DLG1: variants seen among roughly 807,000 people sequenced by gnomAD.
DLG1 encodes disks large homolog 1.
DLG1 carries 42 observed loss-of-function variants against 123.4 expected under a neutral mutation model. The ratio of observed to expected loss-of-function variants is 0.34; its 90% CI spans 0.27 to 0.44. DLG1 has a LOEUF of 0.44. Among genes scored for constraint, DLG1 ranks in the 20% least tolerant of loss-of-function variants. DLG1 has a pLI of 1.00. For missense variants in DLG1, 942 were observed against 1,082.6 expected, an observed-to-expected ratio of 0.87 and a Z score of 1.82; for synonymous variants, 317 against 356.2, an observed-to-expected ratio of 0.89 and a Z score of 1.24.
rs71164203 is a variant in DLG1 at position 197,278,282 on chromosome 3, C to CA, written c.318+4396dup. ...TCGGTGGGAGAGCAAGACTCTGTCC[C>CA]AAAAAAAAAAAAAAAAAAAAAAAAA... On this transcript the variant is annotated intron_variant, in intron 4 of 24. Coordinates refer to ENST00000667157, the MANE Select transcript of DLG1 (RefSeq NM_001366207.1). Among the ~76,000 whole-genome samples the CA allele has an allele frequency of 9.3e-3, 348 of 37,542 alleles. 21 individuals carry two copies. Among genetic ancestry groups the CA allele is most frequent in the African/African-American group, 0.018 (157 of 8,662 alleles). 24.6% of individuals were successfully genotyped at this position (37,542 alleles called of 152,430 possible). A position where few individuals can be genotyped will look rare whatever the true frequency, so the allele number is the denominator to read the frequency against.
intron 5 of DLG1, among the ~76,000 whole-genome samples, chr3:197,167,124 T>G (rs968322078): frequency 2.6e-5 from 4 of 151,990 alleles, no homozygotes; most frequent in Admixed American, 1.3e-4. Context: ...AACAATGGCA[T>G]AACATCCACT....
chr3:197,190,350 G>A (rs1319791940), intron 5 of DLG1, among the ~76,000 whole-genome samples: 1 of 151,902 alleles, frequency 6.6e-6, no homozygotes, highest in African/African-American at 2.4e-5. Flanking sequence ...GTGAATCCTC[G>A]CATACTGTAC....
intron 4 of DLG1, among the ~76,000 whole-genome samples, chr3:197,256,761 T>C (rs565460251): frequency 6.6e-6 from 1 of 152,282 alleles, no homozygotes; most frequent in South Asian, 2.1e-4. Flanking sequence ...GGGATCAATC[T>C]AGGAAGTACT....
chr3:197,050,098 T>C (rs973699012), intron 24 of DLG1, among the ~76,000 whole-genome samples: 11 of 151,768 alleles, frequency 7.2e-5, no homozygotes, highest in African/African-American at 2.7e-4. Flanking sequence ...CCGGGCACGG[T>C]GGCTCACGCC....
At chr3:197,257,924 C>T (rs1035190450) in intron 4 of DLG1, among the ~76,000 whole-genome samples, 9 of 152,178 alleles carry the variant, frequency 5.9e-5, no homozygotes, top group African/African-American at 1.7e-4. Flanking sequence ...ATTAACTCCA[C>T]CTCAACGGAC....
At chr3:197,186,826 C>T (rs1716310712) in intron 5 of DLG1, among the ~76,000 whole-genome samples, 1 of 152,124 alleles carries the variant, frequency 6.6e-6, no homozygotes, top group Non-Finnish European at 1.5e-5. Context: ...CATGCTCCTG[C>T]CTCAGCCACC....
At chr3:197,114,774 A>C (rs1396359739) in intron 13 of DLG1, among the ~76,000 whole-genome samples, 2 of 152,122 alleles carry the variant, frequency 1.3e-5, no homozygotes, top group Non-Finnish European at 2.9e-5. Context: ...CGAGGTCAGG[A>C]GATCGAGACC....
At chr3:197,186,884 T>G (rs1431348136) in intron 5 of DLG1, among the ~76,000 whole-genome samples, 1 of 151,798 alleles carries the variant, frequency 6.6e-6, no homozygotes, top group Non-Finnish European at 1.5e-5. Flanking sequence ...ATAATCTTAG[T>G]GAAAAATGTA....
At chr3:197,248,595 GAA>G (rs898361302) in intron 4 of DLG1, among the ~76,000 whole-genome samples, 3 of 152,186 alleles carry the variant, frequency 2.0e-5, no homozygotes, top group African/African-American at 7.2e-5. Flanking sequence ...CTGAACAAAG[GAA>G]AGCAGGGGTT....
At chr3:197,267,529 T>G (rs548942560) in intron 4 of DLG1, among the ~76,000 whole-genome samples, 64 of 151,486 alleles carry the variant, frequency 4.2e-4, no homozygotes, top group African/African-American at 1.4e-3. Context: ...ATTCCTTCTC[T>G]TCTTAGCTAA....
chr3:197,297,673 C>G, intron 1 of DLG1: 5 of 989,936 alleles, frequency 5.1e-6, no homozygotes, highest in Non-Finnish European at 6.0e-6. Context: ...TCTCGCTTGC[C>G]TTTCTCCTTG....
chr3:197,113,070 T>G (rs1275272545), intron 13 of DLG1, among the ~76,000 whole-genome samples: 1 of 152,198 alleles, frequency 6.6e-6, no homozygotes, highest in Non-Finnish European at 1.5e-5. Context: ...ATTTTATGTC[T>G]GGAGTAAGAC....
At chr3:197,236,993 GA>G (rs1270335437) in intron 4 of DLG1, among the ~76,000 whole-genome samples, 2 of 152,098 alleles carry the variant, frequency 1.3e-5, no homozygotes, top group African/African-American at 4.8e-5. Context: ...TAAAATTTAA[GA>G]GTGCAAAAAA....
chr3:197,160,368 TAA>T (rs11461979), intron 5 of DLG1, among the ~76,000 whole-genome samples: 42 of 141,778 alleles, frequency 3.0e-4, no homozygotes, highest in African/African-American at 9.9e-4. Context: ...TCAATTCTAT[TAA>T]AAAAAAAAAA....
At chr3:197,250,461 C>T (rs1753818863) in intron 4 of DLG1, among the ~76,000 whole-genome samples, 1 of 151,594 alleles carries the variant, frequency 6.6e-6, no homozygotes, top group Non-Finnish European at 1.5e-5. Flanking sequence ...CCCAGCTACT[C>T]AGGAGGCTGA....
chr3:197,160,119 C>A (rs1279612870), intron 5 of DLG1, among the ~76,000 whole-genome samples: 2 of 152,094 alleles, frequency 1.3e-5, no homozygotes, highest in African/African-American at 2.4e-5. Context: ...AATTCCAACC[C>A]CAGGTCATTC....
At chr3:197,045,530 T>G (rs1254911704) in intron 24 of DLG1, among the ~76,000 whole-genome samples, 1 of 150,976 alleles carries the variant, frequency 6.6e-6, no homozygotes, top group African/African-American at 2.4e-5. Flanking sequence ...TGCTTGAGGC[T>G]AGGAGTTTGA....
intron 4 of DLG1, among the ~76,000 whole-genome samples, chr3:197,222,177 C>G (rs1430971947): frequency 6.6e-6 from 1 of 152,156 alleles, no homozygotes; most frequent in Non-Finnish European, 1.5e-5. Flanking sequence ...GTTAGGTTTC[C>G]AACTCTCCCT....
intron 4 of DLG1, among the ~76,000 whole-genome samples, chr3:197,222,235 C>T (rs1471024376): frequency 2.0e-5 from 3 of 152,096 alleles, no homozygotes; most frequent in African/African-American, 4.8e-5. Flanking sequence ...ATGAAATATA[C>T]GCAGACATCT....
Sources: allele counts gnomAD v4.1 joint callset (sites outside exome capture counted in the v4.1 genomes callset), GRCh38; gene constraint gnomAD v4.1.1; transcripts MANE v1.5; gene names NCBI Gene and HGNC (gene_info 2026-07-23, HGNC 2026-07-21).